Variants in CFAP92 observed in about 807,000 individuals in gnomAD.
CFAP92 encodes uncharacterized protein CFAP92.
A neutral mutation model predicts 106.3 loss-of-function variants in CFAP92; 86 were observed. The ratio of observed to expected loss-of-function variants is 0.81; its 90% confidence interval spans 0.68 to 0.97. CFAP92 has a LOEUF of 0.97. Ranked by LOEUF, CFAP92 falls within the 50% of genes least tolerant of loss-of-function variation. The pLI, the probability that CFAP92 is intolerant of heterozygous loss-of-function variation, is 0.00. For synonymous variants in CFAP92, 477 were observed against 506.4 expected, an observed-to-expected ratio of 0.94 and a Z score of 0.78; for missense variants, 1,204 against 1,283.8, an observed-to-expected ratio of 0.94 and a Z score of 0.95.
chr3:128,919,823 G>A (rs975214202), intron 12 of CFAP92, among the ~76,000 whole-genome samples: 2 of 152,182 alleles, frequency 1.3e-5, no homozygotes, highest in Admixed American at 6.5e-5. Flanking sequence ...TTGTGCCAAG[G>A]AGGAAGGGCC....
intron 7 of CFAP92, among the ~76,000 whole-genome samples, chr3:128,974,069 A>C (rs189403843): frequency 6.6e-6 from 1 of 152,360 alleles, no homozygotes; most frequent in East Asian, 1.9e-4. Context: ...GTTGAGAGGC[A>C]TTCACATGTG....
intron 2 of CFAP92, chr3:128,991,850 T>G (rs1185095652): frequency 2.0e-6 from 2 of 987,628 alleles, no homozygotes; most frequent in Non-Finnish European, 2.4e-6. Flanking sequence ...AGTAAGCAGA[T>G]GAAAACAAAA....
chr3:128,922,077 T>G (rs188412657), intron 12 of CFAP92, among the ~76,000 whole-genome samples: 77 of 152,282 alleles, frequency 5.1e-4, no homozygotes, highest in African/African-American at 1.8e-3. Context: ...CGGTGGCTCA[T>G]GCCTGTAATC....
chr3:129,014,946 C>T, the CFAP92 span, among the ~76,000 whole-genome samples: 2 of 152,126 alleles, frequency 1.3e-5, no homozygotes, highest in African/African-American at 2.4e-5. The surrounding 1 kb of genome is among the most constrained non-coding windows in gnomAD (Gnocchi z 4.3). Flanking sequence ...CTCAGACCCA[C>T]CTGCTACTCT....
intron 10 of CFAP92, among the ~76,000 whole-genome samples, chr3:128,938,532 C>T (rs1939292274): frequency 6.8e-6 from 1 of 147,800 alleles, no homozygotes; most frequent in Admixed American, 6.8e-5. Flanking sequence ...CTCGCTCTGT[C>T]TCCCAGGCTG....
chr3:128,953,720 A>C (rs1347554856), intron 9 of CFAP92, among the ~76,000 whole-genome samples: 2 of 124,654 alleles, frequency 1.6e-5, no homozygotes, highest in African/African-American at 3.8e-5. Flanking sequence ...TCCCTGCCTG[A>C]TTCTCCTGCC....
At chr3:129,011,012 G>C in the CFAP92 span, among the ~76,000 whole-genome samples, 14 of 152,246 alleles carry the variant, frequency 9.2e-5, no homozygotes, top group African/African-American at 3.1e-4. Context: ...CAGTTTCCTC[G>C]GCTATAAAGT....
At chr3:129,011,691 G>A in the CFAP92 span, among the ~76,000 whole-genome samples, 1 of 152,168 alleles carries the variant, frequency 6.6e-6, no homozygotes, top group Admixed American at 6.5e-5. Context: ...GCTCTCTGTC[G>A]AGGTGGCTGA....
rs542170860 is a variant in CFAP92, at chr3:128,937,257, C to T, written c.2259-1938G>A. ...TAGAGGTTGCAGTGAGCCCTTGTAC[C>T]GCTGCAGTGAGCCTTTGTACCACTC... On this transcript the variant is annotated intron_variant, in intron 10 of 15. Coordinates refer to ENST00000645291, the MANE Select transcript of CFAP92 (RefSeq NM_001394090.1). 2.1e-4 allele frequency among the ~76,000 whole-genome samples: 32 copies of T among 149,330 alleles called. No homozygotes were observed. In the South Asian group the frequency reaches 2.8e-3, roughly 13 times the overall value.
At chr3:128,956,196 T>TAAAAAAAAAAAA (rs577724635) in intron 9 of CFAP92, among the ~76,000 whole-genome samples, 62 of 61,602 alleles carry the variant, frequency 1.0e-3, no homozygotes, top group East Asian at 1.3e-3. Flanking sequence ...AAAAAAAAAA[T>TAAAAAAAAAAAA]AAAAAAAAAA....
intron 4 of CFAP92, among the ~76,000 whole-genome samples, chr3:128,983,578 T>C (rs1943659907): frequency 1.3e-5 from 2 of 150,924 alleles, no homozygotes; most frequent in Admixed American, 6.6e-5. Flanking sequence ...GGATAATGAA[T>C]GAATGGAGGA....
At chr3:129,025,351 G>A in the CFAP92 span, among the ~76,000 whole-genome samples, 1 of 152,152 alleles carries the variant, frequency 6.6e-6, no homozygotes, top group Non-Finnish European at 1.5e-5. Flanking sequence ...TCCCAGAGGA[G>A]AGCAGTCTCC....
rs1401111991 is a variant in CFAP92 at position 128,992,972 on chromosome 3, C to CAT, written c.262+70_262+71insAT. On this transcript the variant is annotated intron_variant, in intron 2 of 15. Coordinates refer to ENST00000645291, the MANE Select transcript of CFAP92 (RefSeq NM_001394090.1). ...GGAGAGAGGATGTGGGGTGTATGCG[C>CAT]CCTAAACTCCTGCAGAAAGTCATGC... 4 of 1,569,634 alleles carry CAT rather than the reference C, an allele frequency of 2.5e-6. No homozygotes were observed. The African/African-American group carries it at 4.0e-5, about 16-fold the overall frequency.
At chr3:128,964,925 G>A (rs1474096037) in intron 9 of CFAP92, among the ~76,000 whole-genome samples, 1 of 133,332 alleles carries the variant, frequency 7.5e-6, no homozygotes, top group Non-Finnish European at 1.6e-5. Context: ...ACACTATTTT[G>A]TTTTATTTGT....
intron 4 of CFAP92, among the ~76,000 whole-genome samples, chr3:128,984,630 G>A (rs1476263323): frequency 6.6e-6 from 1 of 152,190 alleles, no homozygotes; most frequent in Admixed American, 6.5e-5. Flanking sequence ...TCAGCTTGCA[G>A]ACGGCCTATT....
intron 9 of CFAP92, among the ~76,000 whole-genome samples, chr3:128,950,826 C>T (rs1209191411): frequency 6.6e-6 from 1 of 152,174 alleles, no homozygotes; most frequent in Non-Finnish European, 1.5e-5. Flanking sequence ...GTATGAAAAT[C>T]TCAGCCTCCC....
chr3:128,983,084 C>T (rs928802302), intron 4 of CFAP92, among the ~76,000 whole-genome samples: 8 of 152,298 alleles, frequency 5.3e-5, no homozygotes, highest in South Asian at 2.1e-4. Flanking sequence ...ATTTGGAAAA[C>T]GCATGATCTC....
chr3:129,001,905 G>A, intron 1 of CFAP92: 1 of 1,537,886 alleles, frequency 6.5e-7, no homozygotes, highest in East Asian at 2.5e-5. Flanking sequence ...CGCGGAGGGG[G>A]CCACCACGGC....
At chr3:129,007,968 C>T in the CFAP92 span, among the ~76,000 whole-genome samples, 9 of 152,302 alleles carry the variant, frequency 5.9e-5, no homozygotes, top group East Asian at 1.7e-3. Flanking sequence ...CTGTCTTTGT[C>T]ATGATGAGGC....
Sources: gnomAD v4.1 joint callset for allele counts (sites outside exome capture counted in the v4.1 genomes callset) on GRCh38, gnomAD v4.1.1 for gene constraint, Gnocchi (gnomAD v3.1) non-coding constraint, MANE v1.5 for transcripts, NCBI Gene and HGNC (gene_info 2026-07-23, HGNC 2026-07-21) for gene names.